Variants in MEGF9 observed in about 807,000 individuals in gnomAD.
MEGF9 encodes the protein multiple epidermal growth factor-like domains protein 9.
MEGF9 carries 6 observed loss-of-function variants against 46.8 expected under a neutral mutation model. That is an observed-to-expected ratio of 0.13 (90% CI 0.07 to 0.25). MEGF9 has a LOEUF of 0.25. MEGF9 is among the 10% of genes least tolerant of loss of function. The pLI, the probability that MEGF9 is intolerant of heterozygous loss-of-function variation, is 1.00. For missense variants in MEGF9, 683 were observed against 792.4 expected (o/e 0.86, Z 1.66); for synonymous variants, 302 against 330.7 (o/e 0.91, Z 0.94).
At chr9:120,616,079 C>G (rs114225024) in intron 3 of MEGF9, among the ~76,000 whole-genome samples, 24 of 152,066 alleles carry the variant, frequency 1.6e-4, no homozygotes, top group African/African-American at 5.8e-4. Context: ...GGCAATAGCC[C>G]TTTCAGAGTT....
intron 1 of MEGF9, among the ~76,000 whole-genome samples, chr9:120,668,236 G>A (rs1469406977): frequency 6.6e-6 from 1 of 152,122 alleles, no homozygotes; most frequent in African/African-American, 2.4e-5. Context: ...TTACTCTAGA[G>A]TAACATTAAT....
chr9:120,608,043 A>T (rs2132297141), intron 4 of MEGF9, 33 bp from the exon 5 acceptor site: 2 of 1,601,284 alleles, frequency 1.2e-6, no homozygotes, highest in Non-Finnish European at 1.7e-6. Context: ...AGTTTAGTAC[A>T]GTCTGAAGCT....
chr9:120,698,404 G>T (rs964751321), intron 1 of MEGF9, among the ~76,000 whole-genome samples: 3 of 152,130 alleles, frequency 2.0e-5, no homozygotes, highest in African/African-American at 7.2e-5. Context: ...TGCTGTAACT[G>T]GCAACATGAC....
At chr9:120,646,729 C>G (rs755739297) in intron 2 of MEGF9, among the ~76,000 whole-genome samples, 1 of 152,108 alleles carries the variant, frequency 6.6e-6, no homozygotes, top group African/African-American at 2.4e-5. Context: ...ACTAGAAGCT[C>G]CTTTTGAATG....
chr9:120,612,112 G>A (rs138376876), intron 4 of MEGF9, among the ~76,000 whole-genome samples: 2,107 of 152,176 alleles, frequency 0.014, 57 homozygotes, highest in Admixed American at 0.067. Context: ...CGGTATCTAG[G>A]AGGAACTAAT....
intron 1 of MEGF9, among the ~76,000 whole-genome samples, chr9:120,678,822 G>T (rs2132331793): frequency 6.6e-6 from 1 of 152,206 alleles, no homozygotes; most frequent in Admixed American, 6.5e-5. Context: ...TAGTTCTTCT[G>T]CTTAATCAAT....
chr9:120,645,677 T>G (rs1480725108), intron 2 of MEGF9, among the ~76,000 whole-genome samples: 1 of 152,222 alleles, frequency 6.6e-6, no homozygotes, highest in Non-Finnish European at 1.5e-5. Flanking sequence ...AGCAATTAAT[T>G]GGAAAAATAA....
chr9:120,682,647 G>T (rs2132333631), intron 1 of MEGF9, among the ~76,000 whole-genome samples: 1 of 152,238 alleles, frequency 6.6e-6, no homozygotes, highest in Non-Finnish European at 1.5e-5. Context: ...GAGTGTAGTG[G>T]CATGATTATG....
chr9:120,632,640 G>C (rs897532661), intron 2 of MEGF9, among the ~76,000 whole-genome samples: 2 of 152,128 alleles, frequency 1.3e-5, no homozygotes, highest in Non-Finnish European at 1.5e-5. Context: ...TGTTGAATAG[G>C]AGTGGTGAAA....
intron 1 of MEGF9, among the ~76,000 whole-genome samples, chr9:120,680,332 C>T (rs951789252): frequency 1.3e-5 from 2 of 152,062 alleles, no homozygotes; most frequent in African/African-American, 2.4e-5. Context: ...TCCAGGTATT[C>T]GAAGGGACTT....
intron 1 of MEGF9, among the ~76,000 whole-genome samples, chr9:120,683,397 G>A (rs1235714263): frequency 6.6e-6 from 1 of 152,188 alleles, no homozygotes; most frequent in East Asian, 1.9e-4. Context: ...TGTTGAGGGA[G>A]GGACCAGATG....
chr9:120,624,075 C>A (rs935703292), intron 2 of MEGF9, among the ~76,000 whole-genome samples: 14 of 152,114 alleles, frequency 9.2e-5, no homozygotes, highest in African/African-American at 3.4e-4. Flanking sequence ...AGTTGCTATT[C>A]CTGAAGTGGG....
chr9:120,672,995 C>A (rs1181841808), intron 1 of MEGF9, among the ~76,000 whole-genome samples: 1 of 152,014 alleles, frequency 6.6e-6, no homozygotes, highest in Non-Finnish European at 1.5e-5. Context: ...TGCACTCCAG[C>A]CTGGGCAACA....
chr9:120,699,791 T>A (rs966087615), intron 1 of MEGF9, among the ~76,000 whole-genome samples: 1 of 149,790 alleles, frequency 6.7e-6, no homozygotes, highest in Non-Finnish European at 1.5e-5. Flanking sequence ...TAATATTACA[T>A]AAAGCACAAC....
intron 2 of MEGF9, among the ~76,000 whole-genome samples, chr9:120,653,507 G>T (rs369669094): frequency 6.6e-6 from 1 of 151,798 alleles, no homozygotes; most frequent in African/African-American, 2.4e-5. Context: ...AAGCAGCTGG[G>T]ATTACAGGCG....
At chr9:120,660,089 C>A (rs562215873) in intron 1 of MEGF9, among the ~76,000 whole-genome samples, 2 of 151,428 alleles carry the variant, frequency 1.3e-5, no homozygotes, top group Admixed American at 6.6e-5. Flanking sequence ...AACAATAAAA[C>A]CAGAGGAGAA....
At chr9:120,694,581 C>G (rs1370336916) in intron 1 of MEGF9, among the ~76,000 whole-genome samples, 1 of 152,176 alleles carries the variant, frequency 6.6e-6, no homozygotes, top group Non-Finnish European at 1.5e-5. Flanking sequence ...GGTTATTCTA[C>G]TTTTTTAAAC....
chr9:120,707,243 C>G (rs543423663), intron 1 of MEGF9, among the ~76,000 whole-genome samples: 1 of 152,112 alleles, frequency 6.6e-6, no homozygotes, highest in Admixed American at 6.5e-5. Context: ...AGTCCACAAT[C>G]CCTCAAATCT....
chr9:120,659,595 A>AGAAGGAAG lies in MEGF9; in HGVS notation c.602-21_602-20insCTTCCTTC, dbSNP rs764013666. On this transcript the variant is annotated intron_variant, in intron 1 of 5. Transcript: ENST00000373930. ...CATACTCTGCAAAGGAAAGAAGGAA[A>AGAAGGAAG]GAGACATTACCAACTAAGATTTAAT... is the stretch of plus-strand genomic sequence containing the variant. 1 of 1,568,444 alleles carries AGAAGGAAG rather than the reference A, an allele frequency of 6.4e-7. No homozygotes were observed. Among genetic ancestry groups the AGAAGGAAG allele is most frequent in the South Asian group, 1.2e-5 (1 of 86,082 alleles).
Sources: allele counts gnomAD v4.1 joint callset (sites outside exome capture counted in the v4.1 genomes callset), GRCh38; gene constraint gnomAD v4.1.1; transcripts MANE v1.5; gene names NCBI Gene and HGNC (gene_info 2026-07-23, HGNC 2026-07-21).